ADAM8: variants seen among roughly 807,000 people sequenced by gnomAD.
ADAM8 encodes the protein disintegrin and metalloproteinase domain-containing protein 8.
Under a neutral mutation model 102.4 loss-of-function variants are expected in ADAM8, and 104 were observed. The observed-to-expected ratio is 1.02, with a 90% CI of 0.87 to 1.20. ADAM8 has a LOEUF of 1.20. Among genes scored for constraint, ADAM8 ranks in the 50% most tolerant of loss-of-function variants. The pLI is 0.00. For missense variants in ADAM8, 1,132 were observed against 1,159.0 expected (o/e 0.98, Z 0.34); for synonymous variants, 517 against 485.2 (o/e 1.07, Z -0.86).
intron 21 of ADAM8, among the ~76,000 whole-genome samples, chr10:133,267,097 T>A (rs772928951): frequency 2.6e-5 from 4 of 151,646 alleles, no homozygotes; most frequent in Non-Finnish European, 4.4e-5. Context: ...GCGGAGCAGG[T>A]CTGAGTGGAA....
At chr10:133,272,653 C>T (rs969070146) in intron 8 of ADAM8, 68 bp from the exon 9 acceptor site, 54 of 1,550,516 alleles carry the variant, frequency 3.5e-5, no homozygotes, top group African/African-American at 4.1e-5. Flanking sequence ...GGGTGGGTGG[C>T]GGAGGATGCA....
intron 21 of ADAM8, 146 bp downstream of exon 21, chr10:133,267,206 C>G: frequency 1.2e-6 from 1 of 858,990 alleles, no homozygotes; most frequent in Non-Finnish European, 1.9e-6. Flanking sequence ...GTCTGATGTC[C>G]TCACGAGGTC....
In ADAM8 at chr10:133,268,792, T is replaced by C. The variant is rs775442797; in HGVS notation, c.2019A>G (p.Ala673=). The change falls in exon 19 of 23, where the codon GCA becomes GCG. Residue 673 remains alanine, a synonymous_variant. Coordinates refer to ENST00000445355, the MANE Select transcript of ADAM8 (RefSeq NM_001109.5). ...GGGCTTTGCGGTAGACGATGATGCC[T>C]GCCAGGGTGACCAGCACAACTGCCA... is the stretch of plus-strand genomic sequence containing the variant. ...VLLAVVLVTL[A]GIIVYRKARS... is the part of the protein sequence containing the mutation. 5 of 1,610,912 alleles carry C rather than the reference T, an allele frequency of 3.1e-6. No individual in the cohort carries two copies. The highest frequency in any genetic ancestry group is 4.2e-6 in the Non-Finnish European group (5 of 1,179,884).
At position 133,275,477 on chromosome 10, in the gene ADAM8, G is replaced by T; in HGVS notation, c.150+7C>A. On this transcript the variant is annotated splice_region_variant and intron_variant, in intron 2 of 22. Coordinates refer to ENST00000445355, the MANE Select transcript of ADAM8 (RefSeq NM_001109.5). Reference sequence around the variant, plus strand: ...CAGGGACCCTCCCCAGGCCAGCTTAGACTCACCAAGTGGGAGGGCAGAGCT... The same window carrying T: ...CAGGGACCCTCCCCAGGCCAGCTTATACTCACCAAGTGGGAGGGCAGAGCT... 6.5e-7 allele frequency: 1 copy of T among 1,532,490 alleles called. No homozygotes were observed. The highest frequency in any genetic ancestry group is 1.2e-5 in the South Asian group (1 of 81,432). The allele number at this position is 1,532,490 out of a possible 1,614,324, so 94.9% of individuals were successfully genotyped here.
At chr10:133,275,620 C>T in intron 1 of ADAM8, 33 bp from the exon 2 acceptor site, 1 of 1,263,810 alleles carries the variant, frequency 7.9e-7, no homozygotes, top group East Asian at 3.1e-5. Flanking sequence ...GCATGAGGGG[C>T]CGGGGGGCAG....
chr10:133,270,557 T>C (rs1846487262), intron 15 of ADAM8, 47 bp from the exon 16 acceptor site: 1 of 1,564,560 alleles, frequency 6.4e-7, no homozygotes, highest in South Asian at 1.2e-5. Flanking sequence ...GGGAGCATGC[T>C]GGGGAGCCCA....
chr10:133,269,134 AG>A, intron 18 of ADAM8: 1 of 985,376 alleles, frequency 1.0e-6, no homozygotes, highest in Non-Finnish European at 1.2e-6. Flanking sequence ...GCCGCCGGGG[AG>A]GAAATGCTGG....
rs1470616317 is a variant in ADAM8, at chr10:133,271,804, AC to A, written c.1106+1del. The A allele has an allele frequency of 6.3e-7, 1 of 1,588,250 alleles. No homozygotes were observed. The highest frequency in any genetic ancestry group is 8.5e-7 in the Non-Finnish European group (1 of 1,170,362). ...TGGCTCTGCAGGGCCTGGCCGCCTC[AC>A]CCAATGCTGCCCGCCATGATGCAGC... is the stretch of plus-strand genomic sequence containing the variant. On this transcript the variant is annotated splice_donor_variant, in intron 11 of 22. Coordinates refer to ENST00000445355, the MANE Select transcript of ADAM8 (RefSeq NM_001109.5). LOFTEE classifies it high-confidence loss of function.
At chr10:133,263,485 GCTGAGAAGTCCC>G (rs1156657504) in intron 22 of ADAM8, among the ~76,000 whole-genome samples, 191 bp downstream of exon 22, 14 of 152,218 alleles carry the variant, frequency 9.2e-5, no homozygotes, top group Non-Finnish European at 1.6e-4. Flanking sequence ...GTCGGCATCT[GCTGAGAAGTCCC>G]CTGATCACAG....
chr10:133,274,844 C>G, intron 2 of ADAM8: 1 of 434,438 alleles, frequency 2.3e-6, no homozygotes, highest in Non-Finnish European at 4.6e-6. Flanking sequence ...TCTCCAGCCC[C>G]CATGTGCAGG....
At position 133,263,155 on chromosome 10, in the gene ADAM8, C is replaced by G; in HGVS notation, c.*1G>C. The G allele has an allele frequency of 6.2e-7, 1 of 1,613,984 alleles. No individual in the cohort carries two copies. The highest frequency in any genetic ancestry group is 8.5e-7 in the Non-Finnish European group (1 of 1,179,912). Reference sequence around the variant, plus strand: ...ATTTCCACACAGGCGCAGGTGCCCCCCTAGGGTGCTGTGGGAGCTCCGGCT... The same window carrying G: ...ATTTCCACACAGGCGCAGGTGCCCCGCTAGGGTGCTGTGGGAGCTCCGGCT... On this transcript the variant is annotated 3_prime_UTR_variant, in exon 23 of 23. Coordinates refer to ENST00000445355, the MANE Select transcript of ADAM8 (RefSeq NM_001109.5).
At position 133,271,038 on chromosome 10, in the gene ADAM8, C is replaced by T. The variant is rs751316677; in HGVS notation, c.1407G>A (p.Lys469=). 1 of 1,612,558 alleles carries T rather than the reference C, an allele frequency of 6.2e-7. No individual in the cohort carries two copies. Among genetic ancestry groups the T allele is most frequent in the South Asian group, 1.1e-5 (1 of 91,086 alleles). The change falls in exon 14 of 23, where the codon AAG becomes AAA. Residue 469 remains lysine, a synonymous_variant. Transcript: ENST00000445355. ...VKPAGELCRP[K]KDMCDLEEFC... ...ACTCCTCGAGGTCACACATGTCCTTCTTGGGACGGCACAGCTCACCAGCCG... is the reference window on the plus strand; with the variant it reads ...ACTCCTCGAGGTCACACATGTCCTTTTTGGGACGGCACAGCTCACCAGCCG...
chr10:133,270,600 A>C, intron 15 of ADAM8, 90 bp from the exon 16 acceptor site: 2 of 1,542,930 alleles, frequency 1.3e-6, no homozygotes, highest in Non-Finnish European at 1.8e-6. Context: ...CTCCCACAAC[A>C]CGGTGCGCTT....
rs527439829 is a variant in ADAM8, at chr10:133,276,622, C to T, written c.46+150G>A. 124 of 1,199,556 alleles carry T rather than the reference C, an allele frequency of 1.0e-4. No individual in the cohort carries two copies. In the African/African-American group the frequency reaches 1.8e-3, roughly 17 times the overall value. 74.3% of individuals were successfully genotyped at this position (1,199,556 alleles called of 1,614,324 possible). ...GGCTCTCCACCCAGAGACCACTGTG[C>T]ACCTGATGGCCCGCTCCCAGGGACC... On this transcript the variant is annotated intron_variant, in intron 1 of 22. Transcript: ENST00000445355.
chr10:133,263,658 G>T, intron 22 of ADAM8, 30 bp downstream of exon 22: 1 of 1,530,060 alleles, frequency 6.5e-7, no homozygotes, highest in Admixed American at 2.1e-5. Context: ...TTGCACAGTG[G>T]ACTCTGCCTG....
chr10:133,270,811 G>C lies in ADAM8; in HGVS notation c.1565-6C>G. The C allele has an allele frequency of 3.7e-6, 6 of 1,608,602 alleles. No homozygotes were observed. The highest frequency in any genetic ancestry group is 5.1e-6 in the Non-Finnish European group (6 of 1,177,136). On this transcript the variant is annotated splice_region_variant and splice_polypyrimidine_tract_variant and intron_variant, in intron 14 of 22. Transcript: ENST00000445355. ...CTCCTCGGCAGCCTGCCCACCTGTG[G>C]GACCAGAAGCGGGTTAGCCCTGGCA... is the stretch of plus-strand genomic sequence containing the variant.
intron 22 of ADAM8, 88 bp from the exon 23 acceptor site, chr10:133,263,321 C>T (rs963147106): frequency 1.3e-5 from 16 of 1,279,152 alleles, no homozygotes; most frequent in South Asian, 3.0e-5. Flanking sequence ...CGTCCTTTAA[C>T]ATCTCTTAAA....
Position 133,267,940 on chromosome 10 carries a change from G to A in ADAM8, c.2242C>T (p.Pro748Ser). ...HPASSVALKR[P>S]PPAPPVTVSS... ...GGGGTGGTGCTTACAGCAGGGGGCG[G>A]CCTCTTCAGAGCCACCGAGGAGGCC... The change falls in exon 20 of 23, where the codon CCG becomes TCG. Residue 748 changes from proline (P) to serine (S), a missense_variant. Transcript: ENST00000445355. 7.9e-7 allele frequency: 1 copy of A among 1,261,214 alleles called. No homozygotes were observed. The highest frequency in any genetic ancestry group is 3.8e-5 in the South Asian group (1 of 26,192). The allele number at this position is 1,261,214 out of a possible 1,614,324, so 78.1% of individuals were successfully genotyped here. A position where few individuals can be genotyped will look rare whatever the true frequency, so the allele number is the denominator to read the frequency against.
In ADAM8 at chr10:133,271,654, G is replaced by A. The variant is rs1361166962; in HGVS notation, c.1158C>T (p.Ser386=). The A allele has an allele frequency of 6.4e-7, 1 of 1,560,502 alleles. No homozygotes were observed. Among genetic ancestry groups the A allele is most frequent in the Admixed American group, 1.9e-5 (1 of 51,642 alleles). The part of the protein sequence containing the change: ...FSDCSQAYLE[S]FLERPQSVCL... ...ACACCGACTGCGGCCGCTCCAAAAA[G>A]CTCTCCAGGTAGGCCTGGCTGCAGT... The change falls in exon 12 of 23, where the codon AGC becomes AGT. Residue 386 remains serine (S), a synonymous_variant. Coordinates refer to ENST00000445355, the MANE Select transcript of ADAM8 (RefSeq NM_001109.5).
Sources: gnomAD v4.1 joint callset for allele counts (sites outside exome capture counted in the v4.1 genomes callset) on GRCh38, gnomAD v4.1.1 for gene constraint, MANE v1.5 for transcripts, NCBI Gene and HGNC (gene_info 2026-07-23, HGNC 2026-07-21) for gene names.